GGACT: variants seen among roughly 807,000 people sequenced by gnomAD.
The protein encoded by GGACT is gamma-glutamylaminecyclotransferase.
For synonymous variants in GGACT, 118 were observed against 115.3 expected (o/e 1.02, Z -0.15); for missense variants, 241 against 233.2 (o/e 1.03, Z -0.22).
chr13:100,546,527 T>C (rs1340837804), intron 2 of GGACT, among the ~76,000 whole-genome samples: 1 of 151,478 alleles, frequency 6.6e-6, no homozygotes, highest in African/African-American at 2.4e-5. Flanking sequence ...AATAAGGAAA[T>C]AGACTGGGTG....
At chr13:100,573,376 G>C (rs1165722773) in intron 2 of GGACT, among the ~76,000 whole-genome samples, 1 of 152,186 alleles carries the variant, frequency 6.6e-6, no homozygotes, top group Non-Finnish European at 1.5e-5. Flanking sequence ...CAATAAGCCA[G>C]AAGTTTAAAA....
Position 100,543,197 on chromosome 13 carries a change from C to CTTTTTTTTTTTTTTTT in GGACT, c.-10-10612_-10-10597dup, listed in dbSNP as rs147710327. Among the ~76,000 whole-genome samples the CTTTTTTTTTTTTTTTT allele has an allele frequency of 7.3e-4, 51 of 69,902 alleles. 13 individuals carry two copies. The highest frequency in any genetic ancestry group is 2.9e-3 in the African/African-American group (47 of 16,184). 45.9% of individuals were successfully genotyped at this position (69,902 alleles called of 152,430 possible). The stretch of plus-strand genomic sequence containing the variant: ...CAAAAGGATTTTAAAAAGACACCAG[C>CTTTTTTTTTTTTTTTT]TTTTTTTTTTTTTTTTTTTTTTTTT... On this transcript the variant is annotated intron_variant, in intron 2 of 2. Transcript: ENST00000683975.
intron 2 of GGACT, chr13:100,533,685 G>C (rs898740981): frequency 5.9e-5 from 9 of 152,250 alleles, no homozygotes; most frequent in African/African-American, 2.2e-4. Flanking sequence ...AGGTCTTAGA[G>C]GGCAGTGGTG....
At chr13:100,533,383 T>TC (rs1424632582) in intron 2 of GGACT, 2 of 152,260 alleles carry the variant, frequency 1.3e-5, no homozygotes, top group Non-Finnish European at 2.9e-5. Flanking sequence ...GAAAAGGCGC[T>TC]CCTTGTATTA....
intron 2 of GGACT, among the ~76,000 whole-genome samples, chr13:100,535,139 A>G (rs966060756): frequency 1.3e-5 from 2 of 152,212 alleles, no homozygotes; most frequent in Non-Finnish European, 2.9e-5. Flanking sequence ...GCAGGGCCGT[A>G]GTCACACTGC....
chr13:100,550,151 C>T (rs1315179966), intron 2 of GGACT, among the ~76,000 whole-genome samples: 3 of 152,118 alleles, frequency 2.0e-5, no homozygotes, highest in Non-Finnish European at 2.9e-5. Flanking sequence ...GAGTCCTGAA[C>T]GTGAACGCAC....
At chr13:100,537,515 A>T (rs868641443) in intron 2 of GGACT, 1 of 152,338 alleles carries the variant, frequency 6.6e-6, no homozygotes, top group Non-Finnish European at 1.5e-5. Flanking sequence ...AGGAAAGCCT[A>T]AATGCAGCCA....
chr13:100,543,197 C>CTTTTTTTTTTTTTTTTTTTTTTT (rs147710327), intron 2 of GGACT, among the ~76,000 whole-genome samples: 1 of 69,892 alleles, frequency 1.4e-5, no homozygotes, highest in African/African-American at 6.2e-5. Context: ...AAGACACCAG[C>CTTTTTTTTTTTTTTTTTTTTTTT]TTTTTTTTTT....
In GGACT at chr13:100,531,943, G is replaced by T; in HGVS notation, c.*187C>A. Reference sequence around the variant, plus strand: ...ATTTTTCTTACCAGGTAGAAAGATGGGAGGGAAGCACCTTGCTATTCGTAT... The same window carrying T: ...ATTTTTCTTACCAGGTAGAAAGATGTGAGGGAAGCACCTTGCTATTCGTAT... On this transcript the variant is annotated 3_prime_UTR_variant, in exon 3 of 3. Coordinates refer to ENST00000683975, the MANE Select transcript of GGACT (RefSeq NM_001195087.2). The T allele has an allele frequency of 2.3e-6, 1 of 431,244 alleles. No homozygotes were observed. Among genetic ancestry groups the T allele is most frequent in the Non-Finnish European group, 4.0e-6 (1 of 248,158 alleles). The allele number at this position is 431,244 out of a possible 1,614,324, so 26.7% of individuals were successfully genotyped here. A position where few individuals can be genotyped will look rare whatever the true frequency, so the allele number is the denominator to read the frequency against.
chr13:100,564,645 C>T (rs1328065160), intron 2 of GGACT, among the ~76,000 whole-genome samples: 1 of 152,204 alleles, frequency 6.6e-6, no homozygotes, highest in Non-Finnish European at 1.5e-5. Context: ...GCTGAGTACA[C>T]ATTTTCTAAG....
chr13:100,562,962 G>C (rs2088778654), intron 2 of GGACT, among the ~76,000 whole-genome samples: 1 of 152,050 alleles, frequency 6.6e-6, no homozygotes, highest in Non-Finnish European at 1.5e-5. Context: ...GCAAGTCAAA[G>C]CGTTACTTGC....
chr13:100,580,185 A>T (rs575796232), intron 2 of GGACT: 1 of 152,386 alleles, frequency 6.6e-6, no homozygotes, highest in African/African-American at 2.4e-5. Flanking sequence ...CTGACAGAAC[A>T]AAGGTCCCCA....
At chr13:100,580,389 A>G (rs1415390556) in intron 2 of GGACT, among the ~76,000 whole-genome samples, 4 of 152,232 alleles carry the variant, frequency 2.6e-5, no homozygotes, top group Non-Finnish European at 4.4e-5. Flanking sequence ...CCATGTGAAG[A>G]CACAGCAGAG....
rs111586367 is a variant in GGACT, at chr13:100,545,379, C to A, written c.-10-12778G>T. On this transcript the variant is annotated intron_variant, in intron 2 of 2. Transcript: ENST00000683975. This position sits in a 1 kb window ranked among gnomAD's most constrained non-coding sequence, Gnocchi z 4.4. ...GGCGACCCAGGCAAGGGCAGCAGAGCCTTCACGTCCCTTCCTGACCTCCTT... is the reference window on the plus strand; with the variant it reads ...GGCGACCCAGGCAAGGGCAGCAGAGACTTCACGTCCCTTCCTGACCTCCTT... Among the ~76,000 whole-genome samples the A allele has an allele frequency of 5.3e-5, 8 of 152,298 alleles. 1 individual carries two copies. Among genetic ancestry groups the A allele is most frequent in the African/African-American group, 1.9e-4 (8 of 41,580 alleles).
At chr13:100,552,304 A>G (rs1239712253) in intron 2 of GGACT, among the ~76,000 whole-genome samples, 2 of 152,188 alleles carry the variant, frequency 1.3e-5, no homozygotes, top group African/African-American at 4.8e-5. Context: ...CACACATGGG[A>G]AACTGAGGCT....
intron 1 of GGACT, among the ~76,000 whole-genome samples, chr13:100,584,875 C>T (rs1162335011): frequency 6.6e-6 from 1 of 152,210 alleles, no homozygotes; most frequent in Non-Finnish European, 1.5e-5. Flanking sequence ...AAAATGTCTT[C>T]TCAGCCATCA....
intron 2 of GGACT, among the ~76,000 whole-genome samples, chr13:100,557,425 T>TA (rs1337103293): frequency 2.0e-5 from 3 of 152,194 alleles, no homozygotes; most frequent in Non-Finnish European, 2.9e-5. Context: ...AAAAACTAGT[T>TA]AAAAAAATCA....
In GGACT at chr13:100,532,461, A is replaced by T. The variant is rs1215844933; in HGVS notation, c.131T>A (p.Ile44Asn). The part of the protein sequence containing the change: ...GRTLEPYPLV[I>N]AGEHNIPWLL... ...CCACGGGATGTTGTGCTCCCCCGCG[A>T]TCACCAACGGGTAGGGCTCCAGCGT... The change falls in exon 3 of 3, where the codon ATC (isoleucine) becomes AAC (asparagine). Residue 44 changes from isoleucine (I) to asparagine (N), a missense_variant. Ile to Asn is a moderately radical substitution (Grantham distance 149, BLOSUM62 -3). Coordinates refer to ENST00000683975, the MANE Select transcript of GGACT (RefSeq NM_001195087.2). 1 of 1,549,596 alleles carries T rather than the reference A, an allele frequency of 6.5e-7. No individual in the cohort carries two copies. The highest frequency in any genetic ancestry group is 8.7e-7 in the Non-Finnish European group (1 of 1,146,620).
intron 2 of GGACT, among the ~76,000 whole-genome samples, chr13:100,552,371 G>T (rs563766920): frequency 3.5e-4 from 54 of 152,212 alleles, no homozygotes; most frequent in African/African-American, 1.2e-3. Context: ...TTAAGCCAGG[G>T]ATTGATCCAA....
Sources: allele counts gnomAD v4.1 joint callset (sites outside exome capture counted in the v4.1 genomes callset), GRCh38; gene constraint gnomAD v4.1.1; non-coding constraint Gnocchi (gnomAD v3.1); transcripts MANE v1.5; gene names NCBI Gene and HGNC (gene_info 2026-07-23, HGNC 2026-07-21).